Variants in CTIF observed in about 807,000 individuals in gnomAD.
CTIF encodes the protein cap binding complex dependent translation initiation factor.
In CTIF, 21 loss-of-function variants were observed where a neutral mutation model predicts 66.0. The ratio of observed to expected loss-of-function variants is 0.32; its 90% CI spans 0.23 to 0.46. CTIF has a LOEUF of 0.46. CTIF is among the 20% of genes least tolerant of loss of function. The pLI is 1.00. For synonymous variants in CTIF, 345 were observed against 326.4 expected (o/e 1.06, Z -0.62); for missense variants, 739 against 812.7 (o/e 0.91, Z 1.10).
At chr18:48,687,274 C>A (rs2091855108) in intron 6 of CTIF, among the ~76,000 whole-genome samples, 1 of 146,518 alleles carries the variant, frequency 6.8e-6, no homozygotes, top group Admixed American at 6.9e-5. Context: ...AGATTTTTTT[C>A]TTTGCTGTTG....
At chr18:48,607,759 C>T (rs550571273) in intron 1 of CTIF, among the ~76,000 whole-genome samples, 2 of 152,178 alleles carry the variant, frequency 1.3e-5, no homozygotes, top group African/African-American at 4.8e-5. Flanking sequence ...AGACACTGAG[C>T]AGGAGCACCC....
chr18:48,555,568 C>T (rs1025299476), intron 1 of CTIF, among the ~76,000 whole-genome samples: 3 of 152,218 alleles, frequency 2.0e-5, no homozygotes, highest in Admixed American at 1.3e-4. Context: ...AAAATCTGGC[C>T]ACCCACTCAC....
intron 10 of CTIF, among the ~76,000 whole-genome samples, chr18:48,844,336 G>A (rs1361462390): frequency 6.6e-6 from 1 of 152,226 alleles, no homozygotes; most frequent in Non-Finnish European, 1.5e-5. Flanking sequence ...GCCACTAGCT[G>A]GAGCTTGGTC....
At chr18:48,790,138 G>C (rs947325009) in intron 9 of CTIF, among the ~76,000 whole-genome samples, 1 of 152,214 alleles carries the variant, frequency 6.6e-6, no homozygotes, top group Non-Finnish European at 1.5e-5. Flanking sequence ...TCCGCCCCCA[G>C]TACCGTATGT....
intron 3 of CTIF, among the ~76,000 whole-genome samples, chr18:48,649,233 A>G (rs1458808754): frequency 6.6e-6 from 1 of 152,168 alleles, no homozygotes; most frequent in East Asian, 1.9e-4. Flanking sequence ...GTACCTGGAA[A>G]AATGGGACAC....
At position 48,758,327 on chromosome 18, in the gene CTIF, C is replaced by T. The variant is rs755507818; in HGVS notation, c.993C>T (p.Pro331=). 20 of 1,612,652 alleles carry T rather than the reference C, an allele frequency of 1.2e-5. No homozygotes were observed. Among genetic ancestry groups the T allele is most frequent in the South Asian group, 6.6e-5 (6 of 91,054 alleles). ...CAAAACGTAAAGACAGTATTCTTCC[C>T]GAGCGCATCGGGGAGCGGCCCAAAA... The part of the protein sequence containing the change: ...VETKRKDSIL[P]ERIGERPKIT... Residue 331 remains proline (P), a synonymous_variant, in exon 8 of 12, where the codon CCC becomes CCT. Transcript: ENST00000256413.
In CTIF at chr18:48,669,257, A is replaced by G. The variant is rs187098110; in HGVS notation, c.432-1412A>G. ...TTGGTAAATGTTTAAACAATGAACT[A>G]GTTACTCTGAAAGGTGAGATTCGTA... On this transcript the variant is annotated intron_variant, in intron 5 of 11. Coordinates refer to ENST00000256413, the MANE Select transcript of CTIF (RefSeq NM_014772.3). 3.3e-4 allele frequency among the ~76,000 whole-genome samples: 51 copies of G among 152,246 alleles called. 2 individuals carry two copies. The highest frequency in any genetic ancestry group is 1.2e-3 in the African/African-American group (49 of 41,526).
chr18:48,784,045 A>C (rs995867961), intron 9 of CTIF, among the ~76,000 whole-genome samples: 6 of 152,220 alleles, frequency 3.9e-5, no homozygotes, highest in Non-Finnish European at 5.9e-5. Flanking sequence ...TCAGCTGAGC[A>C]TGTGCTGTGT....
chr18:48,836,168 C>A (rs532995877), intron 10 of CTIF, among the ~76,000 whole-genome samples: 1 of 152,138 alleles, frequency 6.6e-6, no homozygotes, highest in African/African-American at 2.4e-5. Context: ...AAAGAGGCAG[C>A]TCCCACTGTG....
chr18:48,638,884 C>G (rs1432456624), intron 3 of CTIF, among the ~76,000 whole-genome samples: 1 of 152,264 alleles, frequency 6.6e-6, no homozygotes, highest in East Asian at 1.9e-4. Flanking sequence ...AGAACCCCAC[C>G]TAATCACCTG....
At chr18:48,556,177 G>A (rs1411134592) in intron 1 of CTIF, among the ~76,000 whole-genome samples, 4 of 152,186 alleles carry the variant, frequency 2.6e-5, no homozygotes, top group South Asian at 2.1e-4. Context: ...GCTCCGGATC[G>A]TCTCAGCAGC....
chr18:48,553,628 G>A (rs141312379), intron 1 of CTIF, among the ~76,000 whole-genome samples: 7 of 151,766 alleles, frequency 4.6e-5, no homozygotes, highest in Non-Finnish European at 5.9e-5. Context: ...TGGAAAAGAG[G>A]TTGAGTGACT....
intron 3 of CTIF, among the ~76,000 whole-genome samples, chr18:48,640,358 C>T (rs568402132): frequency 6.6e-6 from 1 of 152,360 alleles, no homozygotes; most frequent in South Asian, 2.1e-4. Context: ...TCCTCAACCA[C>T]TTCTGGCCTA....
intron 9 of CTIF, among the ~76,000 whole-genome samples, chr18:48,809,445 CT>C (rs2068217351): frequency 6.6e-6 from 1 of 152,012 alleles, no homozygotes; most frequent in South Asian, 2.1e-4. Flanking sequence ...TAAAAATCTA[CT>C]TGGTTATAAT....
intron 6 of CTIF, among the ~76,000 whole-genome samples, chr18:48,706,636 C>G (rs1361036839): frequency 1.3e-5 from 2 of 152,332 alleles, no homozygotes; most frequent in South Asian, 4.1e-4. Context: ...GAAATACCCA[C>G]CACACTGGGT....
intron 10 of CTIF, among the ~76,000 whole-genome samples, chr18:48,827,271 T>C (rs2095684547): frequency 2.6e-5 from 4 of 152,094 alleles, no homozygotes; most frequent in Admixed American, 6.5e-5. Context: ...AACTGGAAAG[T>C]CTCCTGGACA....
rs746591931 is a variant in CTIF, at chr18:48,711,713, G to A, written c.584+18G>A. On this transcript the variant is annotated intron_variant, in intron 7 of 11. Coordinates refer to ENST00000256413, the MANE Select transcript of CTIF (RefSeq NM_014772.3). ...GATCGAAGGTAGGAGAGACTTCGTC[G>A]TGAGCTTTGGGTTTTCCTTTCCTGC... 9.3e-6 allele frequency: 15 copies of A among 1,607,596 alleles called. No homozygotes were observed. Among genetic ancestry groups the A allele is most frequent in the South Asian group, 5.5e-5 (5 of 90,892 alleles).
At chr18:48,855,692 C>T (rs989874397) in intron 10 of CTIF, among the ~76,000 whole-genome samples, 11 of 152,160 alleles carry the variant, frequency 7.2e-5, no homozygotes, top group Admixed American at 2.0e-4. Flanking sequence ...CGCATCAGGA[C>T]GCGGGACAGT....
chr18:48,756,372 C>A (rs1908365774), intron 7 of CTIF: 1 of 151,934 alleles, frequency 6.6e-6, no homozygotes, highest in Non-Finnish European at 1.5e-5. Context: ...TGCATTTAAC[C>A]CCAACCCAGG....
Sources: gnomAD v4.1 joint callset for allele counts (sites outside exome capture counted in the v4.1 genomes callset) on GRCh38, gnomAD v4.1.1 for gene constraint, MANE v1.5 for transcripts, NCBI Gene and HGNC (gene_info 2026-07-23, HGNC 2026-07-21) for gene names.